Variants in ABI3BP observed in about 807,000 individuals in gnomAD.
ABI3BP encodes ABI family member 3 binding protein.
A neutral mutation model predicts 268.6 loss-of-function variants in ABI3BP; 216 were observed. The observed-to-expected ratio is 0.80, with a 90% CI of 0.72 to 0.90. The LOEUF (loss-of-function observed/expected upper bound fraction) is 0.90, where lower values mean the gene tolerates loss of function less well. Among genes scored for constraint, ABI3BP ranks in the 40% least tolerant of loss-of-function variants. ABI3BP has a pLI of 0.00. For synonymous variants in ABI3BP, 730 were observed against 730.0 expected, an observed-to-expected ratio of 1.00 and a Z score of 0.00; for missense variants, 2,090 against 2,182.4, an observed-to-expected ratio of 0.96 and a Z score of 0.84.
intron 1 of ABI3BP, among the ~76,000 whole-genome samples, chr3:100,949,886 A>G (rs545548099): frequency 6.6e-6 from 1 of 152,320 alleles, no homozygotes; most frequent in South Asian, 2.1e-4. Flanking sequence ...CAAGTCCCAA[A>G]TTAAACCCAC....
Position 100,828,392 on chromosome 3 carries a change from C to T in ABI3BP, c.2602+1G>A, listed in dbSNP as rs1269457890. On this transcript the variant is annotated splice_donor_variant, in intron 34 of 67. Transcript: ENST00000471714. LOFTEE classifies it high-confidence loss of function. ...TGCTGAAGATCAAAAAGTGGCATTACCGAATGTTGTCCCTGGAGCCTCTTT... is the reference window on the plus strand; with the variant it reads ...TGCTGAAGATCAAAAAGTGGCATTATCGAATGTTGTCCCTGGAGCCTCTTT... The T allele has an allele frequency of 4.6e-6, 7 of 1,534,034 alleles. No homozygotes were observed. Among genetic ancestry groups the T allele is most frequent in the Non-Finnish European group, 8.7e-7 (1 of 1,145,358 alleles).
At chr3:100,844,326 C>T (rs2098743143) in intron 20 of ABI3BP, 12 of 985,312 alleles carry the variant, frequency 1.2e-5, no homozygotes, top group Non-Finnish European at 1.4e-5. Context: ...ATGAAGGAAA[C>T]AATTCCCACT....
chr3:100,945,590 C>T (rs1187291171), intron 1 of ABI3BP: 3 of 437,580 alleles, frequency 6.9e-6, no homozygotes, highest in African/African-American at 2.0e-5. Context: ...ATGACATGTT[C>T]TCTTCACACC....
intron 9 of ABI3BP, 59 bp downstream of exon 9, chr3:100,874,779 TAAG>T (rs1561129932): frequency 1.0e-6 from 1 of 989,264 alleles, no homozygotes; most frequent in Non-Finnish European, 1.5e-6. Flanking sequence ...TTGGATTTCC[TAAG>T]AATATCAGTG....
chr3:100,798,857 C>A (rs536592329), intron 51 of ABI3BP, among the ~76,000 whole-genome samples: 2 of 152,232 alleles, frequency 1.3e-5, no homozygotes, highest in South Asian at 4.1e-4. Context: ...AGACTACATA[C>A]CATATTCTAT....
chr3:100,878,343 G>A (rs1561181266), intron 6 of ABI3BP, among the ~76,000 whole-genome samples: 1 of 152,164 alleles, frequency 6.6e-6, no homozygotes, highest in Non-Finnish European at 1.5e-5. Flanking sequence ...TTTATTTCTT[G>A]TAAGCCAACA....
chr3:100,762,154 A>G (rs2096002064), intron 63 of ABI3BP, among the ~76,000 whole-genome samples: 1 of 148,608 alleles, frequency 6.7e-6, no homozygotes, highest in Non-Finnish European at 1.5e-5. Context: ...TCCTGTACAT[A>G]CTTCCTCTTT....
chr3:100,894,570 A>G (rs549569517), intron 4 of ABI3BP, among the ~76,000 whole-genome samples: 1 of 152,218 alleles, frequency 6.6e-6, no homozygotes, highest in African/African-American at 2.4e-5. Flanking sequence ...GCTTCTTACA[A>G]ACTTGGGGGC....
chr3:100,865,033 A>G (rs1468464037), intron 10 of ABI3BP, 126 bp from the exon 11 acceptor site: 1 of 746,672 alleles, frequency 1.3e-6, no homozygotes, highest in East Asian at 2.8e-5. Context: ...TTTTTGTGTT[A>G]CTATGTAAAG....
Position 100,770,968 on chromosome 3 carries a change from C to T in ABI3BP, c.4532-16G>A. On this transcript the variant is annotated splice_polypyrimidine_tract_variant and intron_variant, in intron 61 of 67. Coordinates refer to ENST00000471714, the MANE Select transcript of ABI3BP (RefSeq NM_001375547.2). ...ACATGAGGTCCTACGAGAGAGAGGACCCTTGACATTTAACATTTTTGAAAC... is the reference window on the plus strand; with the variant it reads ...ACATGAGGTCCTACGAGAGAGAGGATCCTTGACATTTAACATTTTTGAAAC... 2 of 1,495,820 alleles carry T rather than the reference C, an allele frequency of 1.3e-6. No individual in the cohort carries two copies. Among genetic ancestry groups the T allele is most frequent in the Non-Finnish European group, 1.8e-6 (2 of 1,117,678 alleles). The allele number at this position is 1,495,820 out of a possible 1,614,324, so 92.7% of individuals were successfully genotyped here.
intron 65 of ABI3BP, among the ~76,000 whole-genome samples, chr3:100,753,598 T>C (rs2095457600): frequency 6.6e-6 from 1 of 152,182 alleles, no homozygotes; most frequent in Admixed American, 6.6e-5. Context: ...GTAATAAGCC[T>C]GGTGCATGAG....
chr3:100,912,178 G>A (rs1022431404), intron 2 of ABI3BP: 14 of 295,366 alleles, frequency 4.7e-5, no homozygotes, highest in African/African-American at 2.9e-4. Context: ...TACCCTTCGT[G>A]CTGCCGTCGG....
In ABI3BP at chr3:100,770,743, C is replaced by T; in HGVS notation, c.4741G>A (p.Glu1581Lys). ...WEKPLNDTVT[E>K]YEVISRENGS... ...AACAGTCCTCATGCCATGATCTTAC[C>T]AGTGACAGTGTCATTTAGTGGCTTT... Residue 1581 changes from glutamate (E) to lysine (K), a missense_variant and splice_region_variant, in exon 62 of 68, where the codon GAA becomes AAA. Coordinates refer to ENST00000471714, the MANE Select transcript of ABI3BP (RefSeq NM_001375547.2). 6.7e-7 allele frequency: 1 copy of T among 1,487,600 alleles called. No individual in the cohort carries two copies. The highest frequency in any genetic ancestry group is 9.0e-7 in the Non-Finnish European group (1 of 1,115,176). The allele number at this position is 1,487,600 out of a possible 1,614,324, so 92.2% of individuals were successfully genotyped here.
At chr3:100,915,459 A>G (rs1243527667) in intron 2 of ABI3BP, among the ~76,000 whole-genome samples, 4 of 152,124 alleles carry the variant, frequency 2.6e-5, no homozygotes, top group Admixed American at 6.5e-5. Flanking sequence ...GTGCACACCC[A>G]AGTCCCTGCT....
In ABI3BP at chr3:100,912,566, C is replaced by T. The variant is rs185558127; in HGVS notation, c.260-9880G>A. 2.2e-3 allele frequency among the ~76,000 whole-genome samples: 342 copies of T among 152,188 alleles called. 2 individuals carry two copies. The highest frequency in any genetic ancestry group is 7.9e-3 in the African/African-American group (328 of 41,554). ...CACAGAATTAAAAAAAAACTATATT[C>T]ATGGAAATCTCCATAACAGAAATAT... On this transcript the variant is annotated intron_variant, in intron 2 of 67. Transcript: ENST00000471714.
intron 1 of ABI3BP, among the ~76,000 whole-genome samples, chr3:100,959,946 CAA>C (rs2078380481): frequency 6.6e-6 from 1 of 152,070 alleles, no homozygotes. Context: ...TATGACTACA[CAA>C]AGTCAGTTTT....
chr3:100,833,180 G>C, intron 29 of ABI3BP, 23 bp from the exon 30 acceptor site: 2 of 1,529,558 alleles, frequency 1.3e-6, no homozygotes, highest in Non-Finnish European at 1.8e-6. Flanking sequence ...ATGATCAAAA[G>C]CAATTTTAAA....
In ABI3BP at chr3:100,839,593, G is replaced by A. The variant is rs796092931; in HGVS notation, c.1921C>T (p.Pro641Ser). The stretch of plus-strand genomic sequence containing the variant: ...CCAGTTGTGGGCACCAAGGGCTCCG[G>A]TTGTATCGTGGCAGGTTCCAGAGCT... ...KPALEPATIQ[P>S]EPLVPTTASK... The change falls in exon 24 of 68, where the codon CCG becomes TCG. Residue 641 changes from proline (P) to serine (S), a missense_variant. Transcript: ENST00000471714. The A allele has an allele frequency of 5.2e-6, 8 of 1,535,878 alleles. No individual in the cohort carries two copies. In the African/African-American group the frequency reaches 6.8e-5, roughly 13 times the overall value.
intron 1 of ABI3BP, among the ~76,000 whole-genome samples, chr3:100,988,473 T>C (rs918597772): frequency 6.6e-6 from 1 of 152,184 alleles, no homozygotes; most frequent in Non-Finnish European, 1.5e-5. Context: ...GCCTGGGCTC[T>C]GGGCCAGCAG....
Sources: allele counts gnomAD v4.1 joint callset (sites outside exome capture counted in the v4.1 genomes callset), GRCh38; gene constraint gnomAD v4.1.1; transcripts MANE v1.5; gene names NCBI Gene and HGNC (gene_info 2026-07-23, HGNC 2026-07-21).